The following GRM3 variants were observed in gnomAD, a reference collection of about 807,000 sequenced individuals.
The protein encoded by GRM3 is glutamate metabotropic receptor 3, also known as metabotropic glutamate receptor 3.
A neutral mutation model predicts 70.5 loss-of-function variants in GRM3; 26 were observed. The ratio of observed to expected loss-of-function variants is 0.37; its 90% CI spans 0.27 to 0.51. GRM3 has a LOEUF of 0.51. Ranked by LOEUF, GRM3 falls within the 20% of genes least tolerant of loss-of-function variation. GRM3 has a pLI of 0.93. For missense variants in GRM3, 859 were observed against 1,123.8 expected, an observed-to-expected ratio of 0.76 and a Z score of 3.37; for synonymous variants, 443 against 434.9, an observed-to-expected ratio of 1.02 and a Z score of -0.23.
At chr7:86,799,597 G>A (rs775931385) in intron 3 of GRM3, among the ~76,000 whole-genome samples, 29 of 151,894 alleles carry the variant, frequency 1.9e-4, no homozygotes, top group Non-Finnish European at 3.8e-4. Flanking sequence ...TGCGATCTCC[G>A]CTCACTGCAA....
chr7:86,789,095 T>C (rs1438559265), intron 3 of GRM3, among the ~76,000 whole-genome samples: 1 of 152,226 alleles, frequency 6.6e-6, no homozygotes, highest in Non-Finnish European at 1.5e-5. Flanking sequence ...ATTACTCTTT[T>C]CAAGTCTACC....
At chr7:86,731,489 A>G (rs1720320903) in intron 1 of GRM3, among the ~76,000 whole-genome samples, 1 of 152,214 alleles carries the variant, frequency 6.6e-6, no homozygotes, top group Non-Finnish European at 1.5e-5. Flanking sequence ...ACCAGTTTTG[A>G]TGAATAAAAA....
At chr7:86,682,047 A>G (rs1222128168) in intron 1 of GRM3, among the ~76,000 whole-genome samples, 1 of 152,160 alleles carries the variant, frequency 6.6e-6, no homozygotes, top group Non-Finnish European at 1.5e-5. Flanking sequence ...CCAGTGTTGG[A>G]TTTTTCAAAT....
At chr7:86,743,464 A>G (rs1796033397) in intron 1 of GRM3, among the ~76,000 whole-genome samples, 1 of 152,152 alleles carries the variant, frequency 6.6e-6, no homozygotes, top group Non-Finnish European at 1.5e-5. Context: ...TTCCCTTTCT[A>G]TTTTAAAACA....
chr7:86,677,608 A>G (rs1686849366), intron 1 of GRM3, among the ~76,000 whole-genome samples: 1 of 152,072 alleles, frequency 6.6e-6, no homozygotes, highest in African/African-American at 2.4e-5. Context: ...ATTTTTATTA[A>G]TTCTAAAACT....
chr7:86,768,906 C>T (rs1249573324), intron 2 of GRM3, among the ~76,000 whole-genome samples: 1 of 152,064 alleles, frequency 6.6e-6, no homozygotes, highest in Admixed American at 6.6e-5. Context: ...TTCAGCTAGG[C>T]ATCACAAATA....
chr7:86,769,330 T>C (rs753513590), intron 2 of GRM3, among the ~76,000 whole-genome samples: 1 of 152,170 alleles, frequency 6.6e-6, no homozygotes. Context: ...CACATAATTT[T>C]AAAAATTCCT....
At chr7:86,704,690 AC>A (rs1202409567) in intron 1 of GRM3, among the ~76,000 whole-genome samples, 1 of 151,818 alleles carries the variant, frequency 6.6e-6, no homozygotes, top group African/African-American at 2.4e-5. Context: ...GCTCTTGAAA[AC>A]TGGTAATTAA....
At chr7:86,833,042 T>G (rs1486173858) in intron 3 of GRM3, 15 of 981,006 alleles carry the variant, frequency 1.5e-5, no homozygotes, top group Non-Finnish European at 1.8e-5. Flanking sequence ...TTCATGCTGT[T>G]GCAACACCAG....
At chr7:86,719,392 C>G (rs1292381287) in intron 1 of GRM3, among the ~76,000 whole-genome samples, 2 of 151,884 alleles carry the variant, frequency 1.3e-5, no homozygotes. Flanking sequence ...GACAGTGTAC[C>G]AGGCATATAA....
In GRM3 at chr7:86,799,826, G is replaced by C. The variant is rs530502514; in HGVS notation, c.1324+12710G>C. Among the ~76,000 whole-genome samples the C allele has an allele frequency of 3.3e-5, 5 of 152,258 alleles. No homozygotes were observed. The South Asian group carries it at 1.0e-3, about 32-fold the overall frequency. ...TTACAGGCGTGAGCCACCATGCCTGGCCAATACCTAGTTTGTTGAGAGTTT... is the reference window on the plus strand; with the variant it reads ...TTACAGGCGTGAGCCACCATGCCTGCCCAATACCTAGTTTGTTGAGAGTTT... On this transcript the variant is annotated intron_variant, in intron 3 of 5. Coordinates refer to ENST00000361669, the MANE Select transcript of GRM3 (RefSeq NM_000840.3).
intron 3 of GRM3, among the ~76,000 whole-genome samples, chr7:86,798,228 G>A (rs947917900): frequency 1.2e-4 from 19 of 152,104 alleles, no homozygotes; most frequent in Non-Finnish European, 1.8e-4. Context: ...CAGACCTGAG[G>A]ATGGTAGATC....
At chr7:86,782,003 C>G (rs1439531771) in intron 2 of GRM3, among the ~76,000 whole-genome samples, 1 of 152,014 alleles carries the variant, frequency 6.6e-6, no homozygotes, top group African/African-American at 2.4e-5. Flanking sequence ...AAAAGATGGC[C>G]CCCTGGTAAA....
At chr7:86,729,967 C>A (rs564115615) in intron 1 of GRM3, among the ~76,000 whole-genome samples, 3 of 151,664 alleles carry the variant, frequency 2.0e-5, no homozygotes, top group African/African-American at 7.3e-5. Flanking sequence ...ATTAGCCGGG[C>A]GTGGTGGCAG....
chr7:86,726,310 A>AT lies in GRM3; in HGVS notation c.-140-38690dup, dbSNP rs566041778. Among the ~76,000 whole-genome samples the AT allele has an allele frequency of 1.5e-3, 231 of 152,222 alleles. 1 individual carries two copies. Among genetic ancestry groups the AT allele is most frequent in the African/African-American group, 5.4e-3 (224 of 41,540 alleles). ...ATGGGACCTTGTGGTCATTACAGAG[A>AT]TTTTTTAAAGCAAACAACAGCTCTT... On this transcript the variant is annotated intron_variant, in intron 1 of 5. Transcript: ENST00000361669.
At chr7:86,664,092 A>T (rs1177847259) in intron 1 of GRM3, among the ~76,000 whole-genome samples, 1 of 152,024 alleles carries the variant, frequency 6.6e-6, no homozygotes. Flanking sequence ...TTATCCAAGA[A>T]CAACAGAAAA....
chr7:86,653,228 C>T (rs1379499768), intron 1 of GRM3, among the ~76,000 whole-genome samples: 1 of 152,192 alleles, frequency 6.6e-6, no homozygotes, highest in East Asian at 1.9e-4. Flanking sequence ...GAGGGCCAAA[C>T]TCTGATGGCC....
intron 1 of GRM3, among the ~76,000 whole-genome samples, chr7:86,693,369 C>G (rs1485151172): frequency 6.6e-6 from 1 of 152,174 alleles, no homozygotes. Flanking sequence ...TTGCTGCTCC[C>G]TAATGCCTCC....
chr7:86,653,895 T>C (rs563501639), intron 1 of GRM3, among the ~76,000 whole-genome samples: 3 of 152,288 alleles, frequency 2.0e-5, no homozygotes, highest in African/African-American at 7.2e-5. Context: ...TTTGAATAAC[T>C]GCACTCTTAA....
Sources: allele counts gnomAD v4.1 joint callset (sites outside exome capture counted in the v4.1 genomes callset), GRCh38; gene constraint gnomAD v4.1.1; transcripts MANE v1.5; gene names NCBI Gene and HGNC (gene_info 2026-07-23, HGNC 2026-07-21).